The following RUFY2 variants were observed in gnomAD, a reference collection of about 807,000 sequenced individuals.
RUFY2 encodes the protein RUN and FYVE domain containing 2.
A neutral mutation model predicts 94.4 loss-of-function variants in RUFY2; 49 were observed. The ratio of observed to expected loss-of-function variants is 0.52; its 90% confidence interval spans 0.41 to 0.66. The LOEUF (loss-of-function observed/expected upper bound fraction) is 0.66. Among genes scored for constraint, RUFY2 ranks in the 30% least tolerant of loss-of-function variants. RUFY2 has a pLI of 0.00. For missense variants in RUFY2, 541 were observed against 692.8 expected, an observed-to-expected ratio of 0.78 and a Z score of 2.46; for synonymous variants, 255 against 235.7, an observed-to-expected ratio of 1.08 and a Z score of -0.75.
chr10:68,377,378 T>C (rs1341498493), intron 12 of RUFY2: 2 of 1,036,398 alleles, frequency 1.9e-6, no homozygotes, highest in Middle Eastern at 4.7e-4. Flanking sequence ...CACACTGTTA[T>C]ATGTTATGCT....
Position 68,406,906 on chromosome 10 carries a change from C to G in RUFY2, c.4+280G>C, listed in dbSNP as rs1372843100. 1.9e-6 allele frequency: 3 copies of G among 1,576,662 alleles called. No individual in the cohort carries two copies. The African/African-American group carries it at 4.1e-5, about 21-fold the overall frequency. ...CCCCGACCCGGGAGTGACACCCTGC[C>G]TGGCCCTGTCCTCGCTCCTGGACGC... On this transcript the variant is annotated intron_variant, in intron 1 of 17. Transcript: ENST00000602465.
chr10:68,383,977 T>C, intron 9 of RUFY2, 63 bp from the exon 10 acceptor site: 1 of 1,573,842 alleles, frequency 6.4e-7, no homozygotes, highest in Non-Finnish European at 8.7e-7. Flanking sequence ...TAGAAATACC[T>C]ACTTCATCCA....
downstream of RUFY2, chr10:68,341,262 C>T (rs1323228383): frequency 6.2e-7 from 1 of 1,606,444 alleles, no homozygotes; most frequent in South Asian, 1.1e-5. Context: ...GAGTTTGTGA[C>T]ACATGAAGAT....
chr10:68,377,751 T>C (rs1342168382), intron 12 of RUFY2: 1 of 984,086 alleles, frequency 1.0e-6, no homozygotes, highest in Non-Finnish European at 1.2e-6. Flanking sequence ...TTAACTTCAA[T>C]ATTTTTATAA....
downstream of RUFY2, chr10:68,341,408 T>C: frequency 7.7e-7 from 1 of 1,292,238 alleles, no homozygotes; most frequent in Non-Finnish European, 1.1e-6. Flanking sequence ...GTTGTTGGGA[T>C]TTAAAACCAT....
intron 11 of RUFY2, among the ~76,000 whole-genome samples, chr10:68,380,848 C>T (rs1040268514): frequency 1.3e-5 from 2 of 151,690 alleles, no homozygotes; most frequent in Admixed American, 6.6e-5. Flanking sequence ...GGCAACAGAG[C>T]GAGACTCCAT....
chr10:68,352,110 G>A (rs1417057172), intron 16 of RUFY2, among the ~76,000 whole-genome samples: 6 of 151,380 alleles, frequency 4.0e-5, no homozygotes, highest in Admixed American at 1.3e-4. Context: ...ATTCAGATAC[G>A]CAAATTCTTT....
At chr10:68,391,653 CAAAAAAAAAAA>C (rs1230935983) in intron 7 of RUFY2, among the ~76,000 whole-genome samples, 10 of 28,790 alleles carry the variant, frequency 3.5e-4, no homozygotes, top group Admixed American at 9.1e-4. Context: ...GACCCTGTCT[CAAAAAAAAAAA>C]AAAAAAAAAA....
rs1201061055 is a variant in RUFY2, at chr10:68,404,825, A to G, written c.24T>C (p.Ala8=). The G allele has an allele frequency of 5.1e-6, 8 of 1,576,414 alleles. No homozygotes were observed. Among genetic ancestry groups the G allele is most frequent in the Non-Finnish European group, 6.9e-6 (8 of 1,162,954 alleles). Residue 8 remains alanine (A), a synonymous_variant, in exon 2 of 18, where the codon GCT becomes GCC. Coordinates refer to ENST00000602465, the MANE Select transcript of RUFY2 (RefSeq NM_001330103.2). ...TGTTTAACAAGTTTGCTCTCTCTAC[A>G]GCTGTGGGGTCTTTTGTAGCTGAAA... MATKDPT[A]VERANLLNMA...
At chr10:68,341,707 G>T, downstream of RUFY2, 1 of 1,583,638 alleles carries the variant, frequency 6.3e-7, no homozygotes, top group Non-Finnish European at 8.6e-7. Flanking sequence ...AAATATGCAG[G>T]GTTAGCTGCT....
intron 13 of RUFY2, 149 bp downstream of exon 13, chr10:68,376,704 T>A: frequency 3.0e-6 from 2 of 664,042 alleles, no homozygotes; most frequent in South Asian, 4.1e-5. Flanking sequence ...ACAATTATAT[T>A]TTCTAAATTT....
At chr10:68,348,019 T>C (rs2046400994) in intron 16 of RUFY2, among the ~76,000 whole-genome samples, 1 of 152,264 alleles carries the variant, frequency 6.6e-6, no homozygotes, top group African/African-American at 2.4e-5. Context: ...TTCACAGTCT[T>C]AATAACTAGC....
chr10:68,352,499 C>T (rs575449605), intron 16 of RUFY2, among the ~76,000 whole-genome samples: 9 of 152,130 alleles, frequency 5.9e-5, no homozygotes, highest in African/African-American at 1.9e-4. Context: ...GGAGGCAAGA[C>T]GTCAAAGAAA....
intron 15 of RUFY2, among the ~76,000 whole-genome samples, chr10:68,359,464 GCTA>G (rs1291575930): frequency 4.2e-5 from 5 of 117,812 alleles, no homozygotes; most frequent in Non-Finnish European, 7.6e-5. Flanking sequence ...TAGTAGTAAT[GCTA>G]CTATATATAA....
intron 16 of RUFY2, among the ~76,000 whole-genome samples, chr10:68,347,589 G>A (rs1447892575): frequency 1.3e-5 from 2 of 152,128 alleles, no homozygotes; most frequent in African/African-American, 4.8e-5. Context: ...CAGCCTACTT[G>A]ACCCATTGTT....
chr10:68,379,410 T>C lies in RUFY2; in HGVS notation c.1205+14A>G. Reference sequence around the variant, plus strand: ...AGAAAAGAAAAAAAGAAACTAAGACTGGAAATGCTGTACCTTTGTTCCAGC... The same window carrying C: ...AGAAAAGAAAAAAAGAAACTAAGACCGGAAATGCTGTACCTTTGTTCCAGC... On this transcript the variant is annotated intron_variant, in intron 12 of 17. Transcript: ENST00000602465. The C allele has an allele frequency of 6.4e-7, 1 of 1,566,820 alleles. No homozygotes were observed. Among genetic ancestry groups the C allele is most frequent in the Middle Eastern group, 1.7e-4 (1 of 5,828 alleles).
chr10:68,383,957 TAATACAGCATAGAA>T lies in RUFY2; in HGVS notation c.823-57_823-44del, dbSNP rs763629450. ...TTTTTCATTCTATAATCACTACTAT[TAATACAGCATAGAA>T]ATACCTACTTCATCCAAAAATCCCC... On this transcript the variant is annotated intron_variant, in intron 9 of 17. Coordinates refer to ENST00000602465, the MANE Select transcript of RUFY2 (RefSeq NM_001330103.2). 8.9e-6 allele frequency: 14 copies of T among 1,567,754 alleles called. No individual in the cohort carries two copies. In the African/African-American group the frequency reaches 1.9e-4, roughly 21 times the overall value.
chr10:68,367,367 A>G (rs571028627), intron 13 of RUFY2, among the ~76,000 whole-genome samples: 2 of 152,214 alleles, frequency 1.3e-5, no homozygotes, highest in Non-Finnish European at 2.9e-5. Flanking sequence ...AACCCAGTGC[A>G]CCATTAATAA....
intron 1 of RUFY2, chr10:68,406,958 A>G (rs2051372092): frequency 3.2e-6 from 5 of 1,547,974 alleles, no homozygotes; most frequent in Non-Finnish European, 4.4e-6. Flanking sequence ...CTCGGCCACT[A>G]TGCCTCAGAA....
Sources: gnomAD v4.1 joint callset for allele counts (sites outside exome capture counted in the v4.1 genomes callset) on GRCh38, gnomAD v4.1.1 for gene constraint, MANE v1.5 for transcripts, NCBI Gene and HGNC (gene_info 2026-07-23, HGNC 2026-07-21) for gene names.